DAGLB: variants seen among roughly 807,000 people sequenced by gnomAD.
DAGLB encodes diacylglycerol lipase beta.
DAGLB carries 66 observed loss-of-function variants against 72.1 expected under a neutral mutation model. That is an observed-to-expected ratio of 0.92 (90% CI 0.75 to 1.12). The LOEUF (loss-of-function observed/expected upper bound fraction) is 1.12, where lower values mean the gene tolerates loss of function less well. Ranked by LOEUF, DAGLB falls within the 50% of genes most tolerant of loss-of-function variation. DAGLB has a pLI of 0.00. For missense variants in DAGLB, 1,065 were observed against 884.9 expected (o/e 1.20, Z -2.58); for synonymous variants, 414 against 359.5 (o/e 1.15, Z -1.71).
intron 1 of DAGLB, among the ~76,000 whole-genome samples, chr7:6,446,477 CAAAAAAAAAAAAAAAAAAAAAAA>C (rs748156438): frequency 1.7e-5 from 1 of 58,636 alleles, no homozygotes; most frequent in African/African-American, 6.6e-5. Flanking sequence ...GACTCCGTCT[CAAAAAAAAAAAAAAAAAAAAAAA>C]AAAAAAAAAA....
chr7:6,428,481 G>C (rs145347892), intron 6 of DAGLB, among the ~76,000 whole-genome samples: 5 of 148,254 alleles, frequency 3.4e-5, no homozygotes, highest in African/African-American at 1.2e-4. Context: ...GTTTTGTTTT[G>C]GTTTCTTTTT....
chr7:6,437,187 A>T (rs201013788), intron 2 of DAGLB, among the ~76,000 whole-genome samples: 1 of 143,716 alleles, frequency 7.0e-6, no homozygotes, highest in South Asian at 2.3e-4. Flanking sequence ...AATAATAATA[A>T]TAATAGTAAT....
intron 7 of DAGLB, 108 bp from the exon 8 acceptor site, chr7:6,424,943 AGAGAGGAGGG>A (rs1311258639): frequency 1.3e-5 from 14 of 1,087,788 alleles, no homozygotes; most frequent in Non-Finnish European, 1.4e-6. Context: ...CCTGCGGCAC[AGAGAGGAGGG>A]GACACCGCCT....
At chr7:6,410,879 TA>T (rs1418616927) in intron 13 of DAGLB, among the ~76,000 whole-genome samples, 4,606 of 120,612 alleles carry the variant, frequency 0.038, 232 homozygotes, top group African/African-American at 0.12. Context: ...TAATTTTTTG[TA>T]TTTTTTTTTT....
chr7:6,428,686 C>T (rs996887383), intron 6 of DAGLB, among the ~76,000 whole-genome samples: 9 of 151,992 alleles, frequency 5.9e-5, no homozygotes, highest in Admixed American at 2.6e-4. Context: ...GGGGTGTCAC[C>T]GTGTTGGTCA....
At chr7:6,435,982 T>A (rs1264529175) in intron 3 of DAGLB, among the ~76,000 whole-genome samples, 1 of 152,114 alleles carries the variant, frequency 6.6e-6, no homozygotes. Flanking sequence ...GGACACCGTA[T>A]CTCTTTTCAT....
intron 2 of DAGLB, among the ~76,000 whole-genome samples, chr7:6,438,134 A>G (rs1455117017): frequency 1.3e-5 from 2 of 151,692 alleles, no homozygotes; most frequent in Admixed American, 1.3e-4. Flanking sequence ...GTTTTCACTC[A>G]TAGGTGGGAA....
Position 6,426,124 on chromosome 7 carries a change from G to A in DAGLB, c.930-10C>T, listed in dbSNP as rs1446682339. ...GGTTCTGCTTCTGCAGCTAAAAAGA[G>A]GACAAAGACGTTACTATGCCGAACA... On this transcript the variant is annotated splice_polypyrimidine_tract_variant and intron_variant, in intron 6 of 14. Transcript: ENST00000297056. 1 of 1,612,980 alleles carries A rather than the reference G, an allele frequency of 6.2e-7. No individual in the cohort carries two copies. Among genetic ancestry groups the A allele is most frequent in the African/African-American group, 1.3e-5 (1 of 74,922 alleles).
chr7:6,423,218 C>G (rs1784190309), intron 8 of DAGLB, among the ~76,000 whole-genome samples: 1 of 152,150 alleles, frequency 6.6e-6, no homozygotes, highest in South Asian at 2.1e-4. Context: ...CCATCGTACT[C>G]CACCCTGGGC....
Position 6,409,808 on chromosome 7 carries a change from GT to G in DAGLB, c.*28del, listed in dbSNP as rs760092073. 5 of 1,605,454 alleles carry G rather than the reference GT, an allele frequency of 3.1e-6. No homozygotes were observed. The highest frequency in any genetic ancestry group is 3.4e-6 in the Non-Finnish European group (4 of 1,175,158). On this transcript the variant is annotated 3_prime_UTR_variant, in exon 15 of 15. Transcript: ENST00000297056. ...TTAAGGACAAAAGCGTGAGTCCATCGTTCCTGGGACAGTTTCCAGTGGCCCT... is the reference window on the plus strand; with the variant it reads ...TTAAGGACAAAAGCGTGAGTCCATCGTCCTGGGACAGTTTCCAGTGGCCCT...
intron 6 of DAGLB, among the ~76,000 whole-genome samples, chr7:6,426,365 G>T (rs1784309933): frequency 6.6e-6 from 1 of 152,206 alleles, no homozygotes; most frequent in Admixed American, 6.5e-5. Flanking sequence ...CGCCTCCCAG[G>T]TTCAGGCGAT....
intron 1 of DAGLB, among the ~76,000 whole-genome samples, chr7:6,447,090 C>T (rs1785031597): frequency 6.6e-6 from 1 of 152,212 alleles, no homozygotes; most frequent in South Asian, 2.1e-4. Context: ...CCTCCCGTCT[C>T]AGCCTCTCAA....
chr7:6,416,533 A>T, intron 11 of DAGLB, 94 bp downstream of exon 11: 1 of 1,500,450 alleles, frequency 6.7e-7, no homozygotes, highest in Non-Finnish European at 8.9e-7. Context: ...ACAGAGCAAG[A>T]CTTCATCTCA....
intron 2 of DAGLB, 129 bp from the exon 3 acceptor site, chr7:6,436,662 C>T: frequency 8.7e-7 from 1 of 1,150,826 alleles, no homozygotes; most frequent in Non-Finnish European, 1.2e-6. Flanking sequence ...ACTTTTTCTA[C>T]TTATAATTGG....
At chr7:6,443,935 T>C (rs1383507662) in intron 2 of DAGLB, among the ~76,000 whole-genome samples, 1 of 152,106 alleles carries the variant, frequency 6.6e-6, no homozygotes, top group Non-Finnish European at 1.5e-5. Context: ...CTCAGATAAA[T>C]GGTTATCTAC....
intron 2 of DAGLB, among the ~76,000 whole-genome samples, chr7:6,444,614 T>C (rs12668610): frequency 2.0e-5 from 3 of 149,640 alleles, no homozygotes; most frequent in Admixed American, 1.3e-4. Flanking sequence ...AAAATAAAAA[T>C]AAAAAATAAA....
chr7:6,447,641 G>C (rs1785053208), intron 1 of DAGLB, 107 bp downstream of exon 1: 8 of 1,432,304 alleles, frequency 5.6e-6, no homozygotes, highest in Non-Finnish European at 6.5e-6. Flanking sequence ...CCAGCGCTGG[G>C]ACCGCGACAG....
chr7:6,410,537 G>C (rs536069069), intron 13 of DAGLB, among the ~76,000 whole-genome samples, 157 bp from the exon 14 acceptor site: 1 of 152,178 alleles, frequency 6.6e-6, no homozygotes, highest in Non-Finnish European at 1.5e-5. Flanking sequence ...AGCTGTGCTG[G>C]GTGGCAGCCA....
Position 6,432,561 on chromosome 7 carries a change from G to A in DAGLB, c.801+276C>T, listed in dbSNP as rs530519617. Among the ~76,000 whole-genome samples the A allele has an allele frequency of 4.6e-5, 7 of 151,910 alleles. No individual in the cohort carries two copies. In the South Asian group the frequency reaches 1.5e-3, roughly 32 times the overall value. On this transcript the variant is annotated intron_variant, in intron 5 of 14. Transcript: ENST00000297056. ...TGTAGTCCCAGCTACTCAGGAGGCT[G>A]GGGCAGGAGAATGGTGTGAACCTGG...
Sources: gnomAD v4.1 joint callset for allele counts (sites outside exome capture counted in the v4.1 genomes callset) on GRCh38, gnomAD v4.1.1 for gene constraint, MANE v1.5 for transcripts, NCBI Gene and HGNC (gene_info 2026-07-23, HGNC 2026-07-21) for gene names.